Variants in PAX2 observed in about 807,000 individuals in gnomAD.
PAX2 encodes paired box 2.
Under a neutral mutation model 41.7 loss-of-function variants are expected in PAX2, and 9 were observed. That is an observed-to-expected ratio of 0.22 (90% CI 0.13 to 0.38). The LOEUF (loss-of-function observed/expected upper bound fraction) is 0.38. Ranked by LOEUF, PAX2 falls within the 10% of genes least tolerant of loss-of-function variation. The pLI, the probability that PAX2 is intolerant of heterozygous loss-of-function variation, is 1.00. For synonymous variants in PAX2, 221 were observed against 212.7 expected, an observed-to-expected ratio of 1.04 and a Z score of -0.34; for missense variants, 418 against 531.6, an observed-to-expected ratio of 0.79 and a Z score of 2.10.
upstream of PAX2, among the ~76,000 whole-genome samples, chr10:100,741,138 G>A (rs1176820821): frequency 6.6e-6 from 1 of 152,164 alleles, no homozygotes; most frequent in Non-Finnish European, 1.5e-5. Context: ...GGAGGATAAA[G>A]GCCCAGCACG....
intron 3 of PAX2, among the ~76,000 whole-genome samples, chr10:100,763,312 C>A (rs1313763054): frequency 6.6e-6 from 1 of 152,146 alleles, no homozygotes; most frequent in Non-Finnish European, 1.5e-5. Flanking sequence ...AAAGATCTGG[C>A]GATTTAGAAA....
intron 3 of PAX2, among the ~76,000 whole-genome samples, chr10:100,754,569 A>G (rs4638249): frequency 0.11 from 17,325 of 152,176 alleles, 3,041 homozygotes; most frequent in African/African-American, 0.38. Flanking sequence ...TCCATCCTGT[A>G]TCATTTGGGT....
intron 3 of PAX2, among the ~76,000 whole-genome samples, chr10:100,761,631 G>T (rs1481206197): frequency 6.6e-6 from 1 of 152,224 alleles, no homozygotes; most frequent in Non-Finnish European, 1.5e-5. Context: ...TTGTCCAGTG[G>T]TGCTGCCCAA....
intron 7 of PAX2, among the ~76,000 whole-genome samples, chr10:100,815,034 C>G (rs1280395301): frequency 6.6e-6 from 1 of 152,190 alleles, no homozygotes; most frequent in Non-Finnish European, 1.5e-5. Context: ...GGCCTCCTGG[C>G]CCACATCTGA....
upstream of PAX2, among the ~76,000 whole-genome samples, chr10:100,743,978 A>G (rs927853049): frequency 6.6e-6 from 1 of 152,206 alleles, no homozygotes; most frequent in African/African-American, 2.4e-5. Context: ...GGGAGGGCAA[A>G]TGCCAGGATC....
intron 7 of PAX2, among the ~76,000 whole-genome samples, chr10:100,818,885 T>A (rs1176581277): frequency 1.3e-5 from 2 of 152,242 alleles, no homozygotes; most frequent in African/African-American, 4.8e-5. Context: ...ATCCAGTTTC[T>A]GCCATCTACT....
chr10:100,768,449 A>C (rs4381304), intron 3 of PAX2, among the ~76,000 whole-genome samples: 16,252 of 152,104 alleles, frequency 0.11, 2,545 homozygotes, highest in African/African-American at 0.35. Flanking sequence ...AGCCTATAGC[A>C]GCTTAATCTA....
At chr10:100,819,683 G>C (rs992466311) in intron 7 of PAX2, among the ~76,000 whole-genome samples, 4 of 152,212 alleles carry the variant, frequency 2.6e-5, no homozygotes, top group African/African-American at 9.6e-5. Flanking sequence ...TATAGAAGGT[G>C]CTCAATGAAT....
chr10:100,750,868 G>A lies in PAX2; in HGVS notation c.387G>A (p.Val129=), dbSNP rs756841176. 6.2e-7 allele frequency: 1 copy of A among 1,612,786 alleles called. No individual in the cohort carries two copies. The highest frequency in any genetic ancestry group is 8.5e-7 in the Non-Finnish European group (1 of 1,179,716). The change falls in exon 3 of 10, where the codon GTG becomes GTA. Residue 129 remains valine (V), a synonymous_variant. Transcript: ENST00000355243. This position sits in a 1 kb window ranked among gnomAD's most constrained non-coding sequence, Gnocchi z 4.1. ...AGGGCATCTGTGACAATGACACAGT[G>A]CCCAGCGTCTCTTCCATCAACAGGT... ...LAEGICDNDT[V]PSVSSINRII...
At chr10:100,796,746 A>C (rs1847352922) in intron 5 of PAX2, among the ~76,000 whole-genome samples, 1 of 152,148 alleles carries the variant, frequency 6.6e-6, no homozygotes, top group Non-Finnish European at 1.5e-5. Context: ...AACTCTAGAC[A>C]TGCTTGCTTT....
chr10:100,794,145 C>G (rs1212184563), intron 5 of PAX2, among the ~76,000 whole-genome samples: 1 of 152,202 alleles, frequency 6.6e-6, no homozygotes, highest in Non-Finnish European at 1.5e-5. Flanking sequence ...AGAACTCTTT[C>G]CTCCAACAGT....
chr10:100,810,071 T>C (rs986904548), intron 7 of PAX2, among the ~76,000 whole-genome samples: 2 of 151,874 alleles, frequency 1.3e-5, no homozygotes, highest in South Asian at 2.1e-4. Context: ...CTAAAGCCAA[T>C]GTGCCGTTTG....
chr10:100,769,626 G>A (rs7911880), intron 3 of PAX2, among the ~76,000 whole-genome samples: 12,165 of 126,964 alleles, frequency 0.096, 1,637 homozygotes, highest in African/African-American at 0.31. Flanking sequence ...ATCTCAAAAA[G>A]AATAAAATAA....
At chr10:100,796,203 C>T (rs1251459936) in intron 5 of PAX2, among the ~76,000 whole-genome samples, 1 of 152,194 alleles carries the variant, frequency 6.6e-6, no homozygotes, top group African/African-American at 2.4e-5. Flanking sequence ...CTCACAATGT[C>T]GTCACCAGGA....
intron 3 of PAX2, among the ~76,000 whole-genome samples, chr10:100,753,255 G>T (rs919821568): frequency 6.6e-6 from 1 of 152,192 alleles, no homozygotes; most frequent in African/African-American, 2.4e-5. Context: ...TCCTCTCATG[G>T]TTCATATTTT....
rs1018104701 is a variant in PAX2, at chr10:100,826,859, GC to G, written c.1022-147del. The G allele has an allele frequency of 6.2e-6, 4 of 645,048 alleles. No individual in the cohort carries two copies. In the African/African-American group the frequency reaches 7.3e-5, roughly 12 times the overall value. The allele number at this position is 645,048 out of a possible 1,614,324, so 40.0% of individuals were successfully genotyped here. On this transcript the variant is annotated intron_variant, in intron 8 of 9. Coordinates refer to ENST00000355243, the MANE Select transcript of PAX2 (RefSeq NM_000278.5). This position sits in a 1 kb window ranked among gnomAD's most constrained non-coding sequence, Gnocchi z 5.5. ...CGGACGCGGTGATCGCCCCACCTCC[GC>G]CCGGCCCGCCCGCCACGGCCATTAC...
intron 5 of PAX2, among the ~76,000 whole-genome samples, chr10:100,790,333 G>A (rs1256444412): frequency 1.3e-5 from 2 of 152,100 alleles, no homozygotes; most frequent in Non-Finnish European, 2.9e-5. Flanking sequence ...AGGCTGTCTG[G>A]TACTCCTGCC....
At chr10:100,749,432 C>A in intron 1 of PAX2, 1 of 1,210,366 alleles carries the variant, frequency 8.3e-7, no homozygotes, top group Non-Finnish European at 1.0e-6. Flanking sequence ...GGCATGAATT[C>A]CCCTTTGGCA....
rs1848589760 is a variant in PAX2 at position 100,826,931 on chromosome 10, G to T, written c.1022-78G>T. The T allele has an allele frequency of 4.1e-6, 4 of 967,244 alleles. No individual in the cohort carries two copies. The allele number at this position is 967,244 out of a possible 1,614,324, so 59.9% of individuals were successfully genotyped here. A position where few individuals can be genotyped will look rare whatever the true frequency, so the allele number is the denominator to read the frequency against. ...CTGAGACCCGGCGGGAGGAGCGGGC[G>T]GAGAAGCCACCGGCCGGACTCGTGG... On this transcript the variant is annotated intron_variant, in intron 8 of 9. Transcript: ENST00000355243. This position sits in a 1 kb window ranked among gnomAD's most constrained non-coding sequence, Gnocchi z 5.5.
Sources: allele counts gnomAD v4.1 joint callset (sites outside exome capture counted in the v4.1 genomes callset), GRCh38; gene constraint gnomAD v4.1.1; non-coding constraint Gnocchi (gnomAD v3.1); transcripts MANE v1.5; gene names NCBI Gene and HGNC (gene_info 2026-07-23, HGNC 2026-07-21).